Variants in FAF1 observed in about 807,000 individuals in gnomAD.
The protein encoded by FAF1 is Fas associated factor 1.
A neutral mutation model predicts 92.5 loss-of-function variants in FAF1; 25 were observed. The ratio of observed to expected loss-of-function variants is 0.27; its 90% CI spans 0.20 to 0.38. The LOEUF (loss-of-function observed/expected upper bound fraction) is 0.38, where lower values mean the gene tolerates loss of function less well. Ranked by LOEUF, FAF1 falls within the 10% of genes least tolerant of loss-of-function variation. The probability of loss-of-function intolerance (pLI) is 1.00; values close to 1 mark genes in which losing one functional copy is unlikely to be tolerated. For missense variants in FAF1, 636 were observed against 793.3 expected, an observed-to-expected ratio of 0.80 and a Z score of 2.38; for synonymous variants, 234 against 273.2, an observed-to-expected ratio of 0.86 and a Z score of 1.42.
chr1:50,579,822 A>G (rs1302773786), intron 12 of FAF1, among the ~76,000 whole-genome samples: 1 of 152,172 alleles, frequency 6.6e-6, no homozygotes, highest in Non-Finnish European at 1.5e-5. Context: ...ATACTCAAAT[A>G]TAACTTGTGA....
At chr1:50,890,995 A>G (rs1025410488) in intron 1 of FAF1, among the ~76,000 whole-genome samples, 2 of 152,308 alleles carry the variant, frequency 1.3e-5, no homozygotes, top group East Asian at 1.9e-4. Context: ...TTTCAGGTAC[A>G]CCAATCAAAC....
chr1:50,611,917 GA>G (rs1314088068), intron 8 of FAF1, among the ~76,000 whole-genome samples: 1 of 152,140 alleles, frequency 6.6e-6, no homozygotes, highest in Non-Finnish European at 1.5e-5. Context: ...CTTTGAAACA[GA>G]AAGTGTTAAA....
At chr1:50,702,571 T>A (rs553866804) in intron 7 of FAF1, among the ~76,000 whole-genome samples, 2 of 152,234 alleles carry the variant, frequency 1.3e-5, no homozygotes, top group South Asian at 4.1e-4. Flanking sequence ...GACCTTTTTA[T>A]ACTGTCACTG....
chr1:50,858,105 T>TA, intron 1 of FAF1, 108 bp from the exon 2 acceptor site: 1 of 688,396 alleles, frequency 1.5e-6, no homozygotes, highest in Non-Finnish European at 2.4e-6. Flanking sequence ...CAAATAGGTA[T>TA]ATGAATAAAG....
intron 7 of FAF1, among the ~76,000 whole-genome samples, chr1:50,686,655 T>C (rs1557474991): frequency 6.6e-6 from 1 of 151,740 alleles, no homozygotes; most frequent in Non-Finnish European, 1.5e-5. Context: ...GTATAAACTA[T>C]GGTTCCATAA....
intron 1 of FAF1, among the ~76,000 whole-genome samples, chr1:50,924,011 C>T (rs567954926): frequency 1.2e-4 from 18 of 152,236 alleles, no homozygotes; most frequent in African/African-American, 3.9e-4. Context: ...TGGAACATGA[C>T]GAACATGCCC....
intron 1 of FAF1, among the ~76,000 whole-genome samples, chr1:50,884,017 C>T (rs1481161959): frequency 1.3e-5 from 2 of 151,882 alleles, no homozygotes; most frequent in African/African-American, 4.8e-5. Flanking sequence ...CCCAGCTACT[C>T]GGGAGGCTGA....
intron 1 of FAF1, among the ~76,000 whole-genome samples, chr1:50,940,084 T>C (rs1452389059): frequency 6.6e-6 from 1 of 152,046 alleles, no homozygotes; most frequent in Non-Finnish European, 1.5e-5. Context: ...CTAATTTTTG[T>C]ATTTTTTTGT....
intron 15 of FAF1, among the ~76,000 whole-genome samples, chr1:50,525,373 G>A (rs1647737927): frequency 6.6e-6 from 1 of 152,292 alleles, no homozygotes; most frequent in Non-Finnish European, 1.5e-5. Flanking sequence ...TACAGCTAGT[G>A]TACAGAGATA....
At chr1:50,569,045 G>A (rs906882357) in intron 12 of FAF1, among the ~76,000 whole-genome samples, 4 of 152,070 alleles carry the variant, frequency 2.6e-5, no homozygotes, top group Admixed American at 2.6e-4. Context: ...AGAAAGACTC[G>A]GGGTTTCTTC....
chr1:50,763,961 G>A (rs1393419603), intron 4 of FAF1, among the ~76,000 whole-genome samples: 1 of 152,072 alleles, frequency 6.6e-6, no homozygotes, highest in East Asian at 1.9e-4. Flanking sequence ...CTATATAGCT[G>A]TTTGGTGGCA....
At chr1:50,690,994 TCCA>T (rs1029820932) in intron 7 of FAF1, among the ~76,000 whole-genome samples, 7 of 152,222 alleles carry the variant, frequency 4.6e-5, no homozygotes, top group African/African-American at 1.7e-4. Context: ...TTAGTGGACT[TCCA>T]CATTTTGGCT....
intron 1 of FAF1, among the ~76,000 whole-genome samples, chr1:50,959,357 A>G (rs1645296835): frequency 6.6e-6 from 1 of 152,020 alleles, no homozygotes; most frequent in Admixed American, 6.6e-5. Flanking sequence ...CAATATAAAT[A>G]CACCACGCCC....
At chr1:50,486,638 G>A (rs930576495) in intron 17 of FAF1, among the ~76,000 whole-genome samples, 3 of 151,806 alleles carry the variant, frequency 2.0e-5, no homozygotes, top group Non-Finnish European at 4.4e-5. Flanking sequence ...TTTTTATAAT[G>A]TATGGTATCT....
rs755494321 is a variant in FAF1, at chr1:50,439,707, G to A, written c.*1733C>T. 1 of 152,118 alleles carries A rather than the reference G, an allele frequency of 6.6e-6. No homozygotes were observed. The highest frequency in any genetic ancestry group is 1.5e-5 in the Non-Finnish European group (1 of 68,020). The allele number at this position is 152,118 out of a possible 1,614,324, so 9.4% of individuals were successfully genotyped here. On this transcript the variant is annotated 3_prime_UTR_variant, in exon 19 of 19. Transcript: ENST00000396153. ...AACAAGGTCTACCTAGAAAAAAAAAGAGGTGGTGCCCTGGTGCATCTGTAG... is the reference window on the plus strand; with the variant it reads ...AACAAGGTCTACCTAGAAAAAAAAAAAGGTGGTGCCCTGGTGCATCTGTAG...
intron 1 of FAF1, among the ~76,000 whole-genome samples, chr1:50,874,024 G>GT (rs1305554662): frequency 6.6e-6 from 1 of 152,152 alleles, no homozygotes; most frequent in African/African-American, 2.4e-5. Flanking sequence ...ATGATGCAGG[G>GT]TATGTGAGAC....
At chr1:50,570,824 T>C (rs1650403172) in intron 12 of FAF1, among the ~76,000 whole-genome samples, 1 of 152,212 alleles carries the variant, frequency 6.6e-6, no homozygotes, top group South Asian at 2.1e-4. Context: ...CAGACTCAGA[T>C]TTCTGATTAT....
intron 1 of FAF1, among the ~76,000 whole-genome samples, chr1:50,931,986 C>T (rs1645052384): frequency 7.1e-6 from 1 of 140,792 alleles, no homozygotes; most frequent in African/African-American, 2.5e-5. Flanking sequence ...CCTCCCACAA[C>T]ATGTGGCAAT....
At chr1:50,729,055 TATA>T (rs1208195511) in intron 6 of FAF1, among the ~76,000 whole-genome samples, 2,298 of 93,378 alleles carry the variant, frequency 0.025, 94 homozygotes, top group African/African-American at 0.089. Context: ...TATATATATA[TATA>T]TTTTTTTTTT....
Sources: allele counts gnomAD v4.1 joint callset (sites outside exome capture counted in the v4.1 genomes callset), GRCh38; gene constraint gnomAD v4.1.1; transcripts MANE v1.5; gene names NCBI Gene and HGNC (gene_info 2026-07-23, HGNC 2026-07-21).